The following ANTXR1 variants were observed in gnomAD, a reference collection of about 807,000 sequenced individuals.
ANTXR1 encodes ANTXR cell adhesion molecule 1, also known as anthrax toxin receptor 1.
ANTXR1 carries 19 observed loss-of-function variants against 78.1 expected under a neutral mutation model. The observed-to-expected ratio is 0.24, with a 90% confidence interval of 0.17 to 0.36. ANTXR1 has a LOEUF of 0.36. Among genes scored for constraint, ANTXR1 ranks in the 10% least tolerant of loss-of-function variants. ANTXR1 has a pLI of 1.00. For synonymous variants in ANTXR1, 273 were observed against 260.5 expected (o/e 1.05, Z -0.46); for missense variants, 518 against 718.6 (o/e 0.72, Z 3.19).
rs554560440 is a variant in ANTXR1 at position 69,093,463 on chromosome 2, T to C, written c.703+2544T>C. ...ATATCCCCTATATGTCATTAAGGTG[T>C]TCAAGACAATAAAAACACCACAAAA... On this transcript the variant is annotated intron_variant, in intron 9 of 17. Transcript: ENST00000303714. 1.4e-3 allele frequency among the ~76,000 whole-genome samples: 210 copies of C among 152,114 alleles called. 1 individual carries two copies. Among genetic ancestry groups the C allele is most frequent in the Admixed American group, 2.3e-3 (35 of 15,266 alleles).
chr2:69,200,893 A>G (rs1674758652), intron 17 of ANTXR1, among the ~76,000 whole-genome samples: 4 of 152,216 alleles, frequency 2.6e-5, no homozygotes. Context: ...ATTGAGGCTC[A>G]GGGAAAATTA....
chr2:69,228,504 C>T (rs564612645), intron 17 of ANTXR1, among the ~76,000 whole-genome samples: 11 of 152,314 alleles, frequency 7.2e-5, no homozygotes, highest in African/African-American at 2.6e-4. Flanking sequence ...CGGTCACTTA[C>T]TTACAGAGAT....
At chr2:69,087,593 G>A (rs754185281) in intron 8 of ANTXR1, among the ~76,000 whole-genome samples, 1 of 152,162 alleles carries the variant, frequency 6.6e-6, no homozygotes, top group Non-Finnish European at 1.5e-5. Flanking sequence ...TATACTTGAG[G>A]CATGCAGTTA....
intron 3 of ANTXR1, among the ~76,000 whole-genome samples, chr2:69,054,266 T>G (rs1670007853): frequency 6.6e-6 from 1 of 152,144 alleles, no homozygotes; most frequent in Admixed American, 6.6e-5. Flanking sequence ...ATCCCAGTGT[T>G]CATATTCTTA....
intron 17 of ANTXR1, among the ~76,000 whole-genome samples, chr2:69,211,069 G>T (rs1208523876): frequency 6.6e-6 from 1 of 152,138 alleles, no homozygotes; most frequent in Non-Finnish European, 1.5e-5. Context: ...GTCCGAAAAG[G>T]CTACAGAGAG....
rs73934789 is a variant in ANTXR1 at position 69,193,013 on chromosome 2, G to A, written c.1354-322G>A. Among the ~76,000 whole-genome samples, 1,179 of 152,300 alleles carry A rather than the reference G, an allele frequency of 7.7e-3. 21 individuals are homozygous for A. Among genetic ancestry groups the A allele is most frequent in the African/African-American group, 0.026 (1,075 of 41,550 alleles). ...TGAAATTTGGAAAGATTGACTTGTG[G>A]TCTGAGGATATGCCCAGAAATGTGA... On this transcript the variant is annotated intron_variant, in intron 16 of 17. Transcript: ENST00000303714.
At chr2:69,146,530 G>T (rs543342422) in intron 12 of ANTXR1, 2 of 374,328 alleles carry the variant, frequency 5.3e-6, no homozygotes, top group South Asian at 2.2e-4. Context: ...GGGCTACCTG[G>T]TAAGGGCAGG....
chr2:69,142,424 G>A (rs1475513626), intron 12 of ANTXR1, among the ~76,000 whole-genome samples: 1 of 152,166 alleles, frequency 6.6e-6, no homozygotes, highest in African/African-American at 2.4e-5. Context: ...TAATTCAGTG[G>A]CAGAGACAAG....
intron 10 of ANTXR1, among the ~76,000 whole-genome samples, chr2:69,106,554 C>T (rs563771679): frequency 6.6e-6 from 1 of 152,328 alleles, no homozygotes; most frequent in Non-Finnish European, 1.5e-5. Context: ...CTGCAGAAAT[C>T]AGGCTCCAGC....
At chr2:69,072,676 G>T (rs959038484) in intron 5 of ANTXR1, among the ~76,000 whole-genome samples, 7 of 152,218 alleles carry the variant, frequency 4.6e-5, no homozygotes, top group Admixed American at 4.6e-4. Context: ...GTGGGAGTTT[G>T]CTCACAGCTT....
At position 69,193,455 on chromosome 2, in the gene ANTXR1, TCTCTCACATACACA is replaced by T. The variant is rs752476185; in HGVS notation, c.1434+42_1434+55del. On this transcript the variant is annotated intron_variant, in intron 17 of 17. Coordinates refer to ENST00000303714, the MANE Select transcript of ANTXR1 (RefSeq NM_032208.3). Reference sequence around the variant, plus strand: ...TTCATTAATGGTGTCTCTCTCTCTCTCTCTCACATACACACACACACACACACACACACACATAT... The same window carrying T: ...TTCATTAATGGTGTCTCTCTCTCTCTCACACACACACACACACACACATAT... The T allele has an allele frequency of 1.7e-5, 22 of 1,270,516 alleles. No homozygotes were observed. In the African/African-American group the frequency reaches 4.1e-4, roughly 24 times the overall value. The allele number at this position is 1,270,516 out of a possible 1,614,324, so 78.7% of individuals were successfully genotyped here. A position where few individuals can be genotyped will look rare whatever the true frequency, so the allele number is the denominator to read the frequency against.
intron 10 of ANTXR1, among the ~76,000 whole-genome samples, chr2:69,120,431 C>T (rs547027690): frequency 3.3e-5 from 5 of 152,194 alleles, no homozygotes; most frequent in South Asian, 2.1e-4. Flanking sequence ...TTTGGGAGGC[C>T]GAGGCAGGCG....
chr2:69,044,595 G>T (rs1273338300), intron 2 of ANTXR1, 147 bp from the exon 3 acceptor site: 10 of 785,044 alleles, frequency 1.3e-5, no homozygotes, highest in Non-Finnish European at 2.0e-5. Flanking sequence ...ATCAACACCC[G>T]CAGCACCAGC....
chr2:69,126,986 G>A (rs1030230668), intron 12 of ANTXR1, among the ~76,000 whole-genome samples: 3 of 152,162 alleles, frequency 2.0e-5, no homozygotes, highest in African/African-American at 7.2e-5. Flanking sequence ...TGTGATCCAA[G>A]TTCTTTCAAT....
intron 1 of ANTXR1, among the ~76,000 whole-genome samples, chr2:69,019,557 G>T (rs528817852): frequency 1.7e-4 from 25 of 149,970 alleles, no homozygotes; most frequent in African/African-American, 5.9e-4. Flanking sequence ...TAAGTTCAGG[G>T]GTACATACAA....
chr2:69,116,838 T>A (rs1186138082), intron 10 of ANTXR1, among the ~76,000 whole-genome samples: 1 of 152,254 alleles, frequency 6.6e-6, no homozygotes, highest in Non-Finnish European at 1.5e-5. Context: ...TTTGGATTAT[T>A]TAATCCACCC....
chr2:69,060,008 G>A (rs1272600321), intron 3 of ANTXR1, among the ~76,000 whole-genome samples: 1 of 152,210 alleles, frequency 6.6e-6, no homozygotes, highest in Non-Finnish European at 1.5e-5. Context: ...ATCTTGTCCT[G>A]TGATTAAACC....
In ANTXR1 at chr2:69,084,685, C is replaced by T. The variant is rs1285168452; in HGVS notation, c.643-6174C>T. Among the ~76,000 whole-genome samples, 8 of 150,166 alleles carry T rather than the reference C, an allele frequency of 5.3e-5. No individual in the cohort carries two copies. The East Asian group carries it at 1.6e-3, about 30-fold the overall frequency. Reference sequence around the variant, plus strand: ...GCCCCAAGCAATTCTCTCACCTTCACCTCCCAAAATGCTGGACTTACAGGC... The same window carrying T: ...GCCCCAAGCAATTCTCTCACCTTCATCTCCCAAAATGCTGGACTTACAGGC... On this transcript the variant is annotated intron_variant, in intron 8 of 17. Transcript: ENST00000303714.
At chr2:69,060,380 G>A (rs1048737850) in intron 3 of ANTXR1, among the ~76,000 whole-genome samples, 1 of 152,142 alleles carries the variant, frequency 6.6e-6, no homozygotes, top group African/African-American at 2.4e-5. Flanking sequence ...CAAAGCTCAT[G>A]CTTCTTTGAT....
Sources: allele counts gnomAD v4.1 joint callset (sites outside exome capture counted in the v4.1 genomes callset), GRCh38; gene constraint gnomAD v4.1.1; transcripts MANE v1.5; gene names NCBI Gene and HGNC (gene_info 2026-07-23, HGNC 2026-07-21).